FRY: variants seen among roughly 807,000 people sequenced by gnomAD.
The protein encoded by FRY is protein furry homolog.
A neutral mutation model predicts 348.4 loss-of-function variants in FRY; 128 were observed. The observed-to-expected ratio is 0.37, with a 90% CI of 0.32 to 0.43. The LOEUF is 0.43. Among genes scored for constraint, FRY ranks in the 20% least tolerant of loss-of-function variants. FRY has a pLI of 1.00. For missense variants in FRY, 2,736 were observed against 3,695.2 expected (o/e 0.74, Z 6.73); for synonymous variants, 1,370 against 1,374.7 (o/e 1.00, Z 0.08).
At chr13:32,243,371 A>T (rs183582071) in intron 46 of FRY, among the ~76,000 whole-genome samples, 24 of 152,330 alleles carry the variant, frequency 1.6e-4, no homozygotes, top group Admixed American at 1.2e-3. Flanking sequence ...TTTTGCCATT[A>T]TAAATAATGC....
intron 51 of FRY, chr13:32,257,855 T>C: frequency 1.1e-6 from 1 of 894,672 alleles, no homozygotes; most frequent in Non-Finnish European, 1.9e-6. Flanking sequence ...GTTAGCACTG[T>C]TGGTTAATGT....
chr13:32,041,381 C>T (rs902869823), intron 1 of FRY, among the ~76,000 whole-genome samples: 6 of 144,288 alleles, frequency 4.2e-5, no homozygotes, highest in African/African-American at 7.7e-5. Context: ...GAAACCTCTG[C>T]GTCCTGGGTT....
intron 2 of FRY, among the ~76,000 whole-genome samples, chr13:32,085,047 T>A (rs1440504423): frequency 3.9e-5 from 6 of 152,130 alleles, no homozygotes; most frequent in Non-Finnish European, 8.8e-5. Flanking sequence ...TTTCCAGAGG[T>A]CATCTTGCCA....
At chr13:32,284,362 CAAGTT>C (rs1471922519) in intron 58 of FRY, among the ~76,000 whole-genome samples, 4 of 152,100 alleles carry the variant, frequency 2.6e-5, no homozygotes, top group Admixed American at 6.5e-5. Context: ...ACAAATTGAA[CAAGTT>C]AAGTGTTAAA....
chr13:32,048,830 A>C (rs1422244418), intron 1 of FRY, among the ~76,000 whole-genome samples: 1 of 152,236 alleles, frequency 6.6e-6, no homozygotes, highest in Non-Finnish European at 1.5e-5. Context: ...AGGTGCATGT[A>C]CTCAAATAGC....
At chr13:32,214,546 G>A (rs1264356060) in intron 35 of FRY, among the ~76,000 whole-genome samples, 1 of 152,154 alleles carries the variant, frequency 6.6e-6, no homozygotes, top group Non-Finnish European at 1.5e-5. Context: ...GGACACCCGC[G>A]TCTTACACAT....
intron 36 of FRY, among the ~76,000 whole-genome samples, chr13:32,219,207 G>C (rs1392727742): frequency 1.3e-5 from 2 of 149,772 alleles, no homozygotes; most frequent in Non-Finnish European, 3.0e-5. Context: ...TCCTGCCTCA[G>C]CCTCGTGAGT....
At chr13:32,092,414 G>T (rs574302485) in intron 2 of FRY, among the ~76,000 whole-genome samples, 1 of 152,338 alleles carries the variant, frequency 6.6e-6, no homozygotes, top group Non-Finnish European at 1.5e-5. Flanking sequence ...GATATGAAAA[G>T]ATTGTGAAGT....
At chr13:32,204,633 A>C (rs1049130419) in intron 31 of FRY, among the ~76,000 whole-genome samples, 1 of 152,220 alleles carries the variant, frequency 6.6e-6, no homozygotes, top group African/African-American at 2.4e-5. Flanking sequence ...ACTTTCCAGA[A>C]GATCTAACTT....
At chr13:32,204,770 C>A (rs1353065028) in intron 31 of FRY, among the ~76,000 whole-genome samples, 1 of 152,204 alleles carries the variant, frequency 6.6e-6, no homozygotes, top group African/African-American at 2.4e-5. Context: ...TCTCTTCTTG[C>A]AAAACTAAAA....
At chr13:32,081,512 A>G (rs958076011) in intron 2 of FRY, among the ~76,000 whole-genome samples, 4 of 152,084 alleles carry the variant, frequency 2.6e-5, no homozygotes, top group Non-Finnish European at 5.9e-5. Context: ...TTTAGTAGAG[A>G]CGGAGTTTCA....
chr13:32,291,483 G>A (rs190731159), intron 59 of FRY, among the ~76,000 whole-genome samples: 177 of 149,190 alleles, frequency 1.2e-3, no homozygotes, highest in African/African-American at 3.5e-3. Flanking sequence ...TCAGCTTACC[G>A]CAACCTCCGC....
chr13:32,103,505 G>A (rs1381370091), intron 3 of FRY, among the ~76,000 whole-genome samples: 1 of 152,184 alleles, frequency 6.6e-6, no homozygotes, highest in Non-Finnish European at 1.5e-5. Context: ...AGGGCCTGTC[G>A]TCGGGTGGAG....
At chr13:32,090,071 G>A (rs574611823) in intron 2 of FRY, among the ~76,000 whole-genome samples, 3 of 151,642 alleles carry the variant, frequency 2.0e-5, no homozygotes, top group South Asian at 2.1e-4. Context: ...AACCACAGCC[G>A]GGCGCTGTGG....
At chr13:32,205,250 A>G (rs554489221) in intron 31 of FRY, among the ~76,000 whole-genome samples, 1 of 152,124 alleles carries the variant, frequency 6.6e-6, no homozygotes, top group African/African-American at 2.4e-5. Flanking sequence ...ATTTTGATAC[A>G]GTATAGCAAA....
At chr13:32,148,924 T>C (rs1880626553) in intron 13 of FRY, among the ~76,000 whole-genome samples, 2 of 152,050 alleles carry the variant, frequency 1.3e-5, no homozygotes, top group South Asian at 4.1e-4. Flanking sequence ...AAAGAATTAA[T>C]GTAATTTTTC....
chr13:32,249,248 C>T (rs531235784), intron 48 of FRY, among the ~76,000 whole-genome samples: 1 of 152,094 alleles, frequency 6.6e-6, no homozygotes, highest in Admixed American at 6.5e-5. Flanking sequence ...TATTTGGTTT[C>T]CTGCATGTTT....
In FRY at chr13:32,078,879, C is replaced by T; in HGVS notation, c.116C>T (p.Ala39Val). 6.2e-7 allele frequency: 1 copy of T among 1,614,130 alleles called. No individual in the cohort carries two copies. The highest frequency in any genetic ancestry group is 8.5e-7 in the Non-Finnish European group (1 of 1,179,998). ...NGYIKPPVPPASGTHREKGPP... is the reference protein window; with the variant it reads ...NGYIKPPVPPVSGTHREKGPP... ...TACATCAAGCCTCCGGTTCCACCTGCTTCTGGCACGCACAGGGAGAAAGGG... is the reference window on the plus strand; with the variant it reads ...TACATCAAGCCTCCGGTTCCACCTGTTTCTGGCACGCACAGGGAGAAAGGG... Residue 39 changes from alanine (A) to valine (V), a missense_variant, in exon 2 of 61, where the codon GCT becomes GTT. Transcript: ENST00000542859.
Position 32,052,321 on chromosome 13 carries a change from C to A in FRY, c.70+20456C>A, listed in dbSNP as rs1873373394. On this transcript the variant is annotated intron_variant, in intron 1 of 60. Transcript: ENST00000542859. Reference sequence around the variant, plus strand: ...ATGCATTTACTAATCCATAAAGACACAACACTAGCTTTTTCTGAATAGTTT... The same window carrying A: ...ATGCATTTACTAATCCATAAAGACAAAACACTAGCTTTTTCTGAATAGTTT... Among the ~76,000 whole-genome samples the A allele has an allele frequency of 2.0e-5, 3 of 152,168 alleles. No individual in the cohort carries two copies. The South Asian group carries it at 6.2e-4, about 32-fold the overall frequency.
Sources: allele counts gnomAD v4.1 joint callset (sites outside exome capture counted in the v4.1 genomes callset), GRCh38; gene constraint gnomAD v4.1.1; transcripts MANE v1.5; gene names NCBI Gene and HGNC (gene_info 2026-07-23, HGNC 2026-07-21).